The following CLPX variants were observed in gnomAD, a reference collection of about 807,000 sequenced individuals.
The protein encoded by CLPX is caseinolytic mitochondrial matrix peptidase chaperone subunit X.
CLPX carries 34 observed loss-of-function variants against 76.4 expected under a neutral mutation model. The observed-to-expected ratio is 0.45, with a 90% CI of 0.34 to 0.59. The LOEUF is 0.59. Among genes scored for constraint, CLPX ranks in the 20% least tolerant of loss-of-function variants. The pLI, the probability that CLPX is intolerant of heterozygous loss-of-function variation, is 0.01. For missense variants in CLPX, 613 were observed against 757.0 expected, an observed-to-expected ratio of 0.81 and a Z score of 2.23; for synonymous variants, 248 against 270.9, an observed-to-expected ratio of 0.92 and a Z score of 0.83.
At chr15:65,166,993 G>C (rs903558856) in intron 3 of CLPX, among the ~76,000 whole-genome samples, 4 of 152,140 alleles carry the variant, frequency 2.6e-5, no homozygotes, top group African/African-American at 9.7e-5. Context: ...ATTTCTATTA[G>C]GTCCTTTCAT....
In CLPX at chr15:65,153,672, T is replaced by A. The variant is rs558473857; in HGVS notation, c.1612-33A>T. The A allele has an allele frequency of 1.4e-5, 18 of 1,253,778 alleles. 1 individual carries two copies. In the South Asian group the frequency reaches 2.4e-4, roughly 17 times the overall value. The allele number at this position is 1,253,778 out of a possible 1,614,324, so 77.7% of individuals were successfully genotyped here. A position where few individuals can be genotyped will look rare whatever the true frequency, so the allele number is the denominator to read the frequency against. ...TACATTAAAAATAAATTATAACTTTTATTGTTAATTTGTACCACCAGAAAA... is the reference window on the plus strand; with the variant it reads ...TACATTAAAAATAAATTATAACTTTAATTGTTAATTTGTACCACCAGAAAA... On this transcript the variant is annotated intron_variant, in intron 11 of 13. Transcript: ENST00000300107.
At chr15:65,181,730 C>T (rs900452721) in intron 1 of CLPX, among the ~76,000 whole-genome samples, 1 of 149,650 alleles carries the variant, frequency 6.7e-6, no homozygotes, top group Admixed American at 6.8e-5. Flanking sequence ...GCCTGTGCAA[C>T]GGAGCGAGGC....
In CLPX at chr15:65,150,433, A is replaced by G. The variant is rs1237827882; in HGVS notation, c.*390T>C. 1 of 154,682 alleles carries G rather than the reference A, an allele frequency of 6.5e-6. No homozygotes were observed. The highest frequency in any genetic ancestry group is 2.4e-5 in the African/African-American group (1 of 41,560). The allele number at this position is 154,682 out of a possible 1,614,324, so 9.6% of individuals were successfully genotyped here. The stretch of plus-strand genomic sequence containing the variant: ...ACATGTGGGTAAAAAAGGTAACACT[A>G]AAGAATGGTATCTCAATATTCAATT... On this transcript the variant is annotated 3_prime_UTR_variant, in exon 14 of 14. Coordinates refer to ENST00000300107, the MANE Select transcript of CLPX (RefSeq NM_006660.5).
intron 1 of CLPX, among the ~76,000 whole-genome samples, chr15:65,184,706 A>T (rs2088231231): frequency 6.6e-6 from 1 of 152,240 alleles, no homozygotes; most frequent in Admixed American, 6.5e-5. Flanking sequence ...GAAGAGCCGC[A>T]GCCATGGCAG....
rs2087695868 is a variant in CLPX at position 65,149,678 on chromosome 15, G to A, written c.*1145C>T. The A allele has an allele frequency of 2.8e-6, 1 of 360,668 alleles. No individual in the cohort carries two copies. Among genetic ancestry groups the A allele is most frequent in the African/African-American group, 2.2e-5 (1 of 45,802 alleles). The allele number at this position is 360,668 out of a possible 1,614,324, so 22.3% of individuals were successfully genotyped here. On this transcript the variant is annotated 3_prime_UTR_variant, in exon 14 of 14. Coordinates refer to ENST00000300107, the MANE Select transcript of CLPX (RefSeq NM_006660.5). ...AGTTACAGACTAGCCTGGCCAACAG[G>A]GTGAAACCCTGTCTCTACTAAAAAT...
chr15:65,167,089 GGA>G (rs1331547775), intron 3 of CLPX, among the ~76,000 whole-genome samples: 2 of 151,290 alleles, frequency 1.3e-5, no homozygotes, highest in African/African-American at 2.4e-5. Flanking sequence ...TTTTTCTTTG[GGA>G]GACGGAGTCT....
chr15:65,158,042 A>AT (rs2087811506), intron 7 of CLPX, 132 bp from the exon 8 acceptor site: 165 of 716,436 alleles, frequency 2.3e-4, no homozygotes, highest in East Asian at 4.0e-4. Context: ...CTCTGCTATT[A>AT]TTTTTTTTAG....
At chr15:65,185,004 G>GC (rs2088236197) in intron 1 of CLPX, 71 bp downstream of exon 1, 27 of 1,376,552 alleles carry the variant, frequency 2.0e-5, no homozygotes, top group Non-Finnish European at 2.7e-5. Flanking sequence ...CCTCCCCGGG[G>GC]CCCCCAACCA....
chr15:65,174,558 G>C (rs543957821), intron 3 of CLPX, among the ~76,000 whole-genome samples: 13 of 151,856 alleles, frequency 8.6e-5, no homozygotes, highest in Non-Finnish European at 1.6e-4. Context: ...CCACCATGCC[G>C]GGCCACAACT....
intron 3 of CLPX, among the ~76,000 whole-genome samples, chr15:65,168,363 G>A (rs535093393): frequency 1.7e-3 from 173 of 100,202 alleles, no homozygotes; most frequent in Non-Finnish European, 2.2e-3. Flanking sequence ...CAGCCTGGGC[G>A]ACAAAGTGAG....
chr15:65,174,645 G>T (rs188900228), intron 3 of CLPX, among the ~76,000 whole-genome samples: 166 of 152,278 alleles, frequency 1.1e-3, no homozygotes, highest in African/African-American at 3.8e-3. Flanking sequence ...TTTTTAAAAG[G>T]AAAGGATTAG....
intron 11 of CLPX, among the ~76,000 whole-genome samples, 181 bp from the exon 12 acceptor site, chr15:65,153,820 G>A (rs1381629752): frequency 6.6e-6 from 1 of 152,164 alleles, no homozygotes; most frequent in Non-Finnish European, 1.5e-5. Context: ...TCTGAAGCTT[G>A]AAGATGTTTT....
intron 6 of CLPX, among the ~76,000 whole-genome samples, chr15:65,160,377 T>G (rs995905322): frequency 4.6e-5 from 7 of 152,172 alleles, no homozygotes; most frequent in African/African-American, 1.7e-4. Flanking sequence ...TTGTGCCTCA[T>G]TATAATCCAC....
rs138152101 is a variant in CLPX at position 65,158,698 on chromosome 15, T to A, written c.769A>T (p.Met257Leu). 1.9e-6 allele frequency: 3 copies of A among 1,614,014 alleles called. No individual in the cohort carries two copies. The highest frequency in any genetic ancestry group is 2.5e-6 in the Non-Finnish European group (3 of 1,179,944). The change falls in exon 7 of 14, where the codon ATG becomes TTG. Residue 257 changes from methionine to leucine, a missense_variant. Coordinates refer to ENST00000300107, the MANE Select transcript of CLPX (RefSeq NM_006660.5). ...SPHGNALGAS[M>L]QQQVNQQIPQ... is the part of the protein sequence containing the mutation. ...ATTTGTTGATTTACCTGTTGCTGCATTGATGCTCCTAAAGCATTACCATGT... is the reference window on the plus strand; with the variant it reads ...ATTTGTTGATTTACCTGTTGCTGCAATGATGCTCCTAAAGCATTACCATGT...
At chr15:65,173,794 A>G (rs2088047371) in intron 3 of CLPX, among the ~76,000 whole-genome samples, 1 of 152,224 alleles carries the variant, frequency 6.6e-6, no homozygotes, top group African/African-American at 2.4e-5. Context: ...ATATCGTATA[A>G]TTCCATTGTA....
intron 6 of CLPX, 86 bp downstream of exon 6, chr15:65,162,518 G>A: frequency 1.2e-6 from 1 of 839,716 alleles, no homozygotes; most frequent in East Asian, 2.5e-5. Context: ...ATACATACAT[G>A]TCTATCACTG....
chr15:65,162,424 T>C (rs937245876), intron 6 of CLPX, among the ~76,000 whole-genome samples, 180 bp downstream of exon 6: 5 of 152,204 alleles, frequency 3.3e-5, no homozygotes, highest in African/African-American at 1.2e-4. Context: ...AAATTAGCTA[T>C]GAAAAACTAT....
intron 1 of CLPX, among the ~76,000 whole-genome samples, chr15:65,184,083 T>C (rs1490446928): frequency 6.6e-6 from 1 of 152,210 alleles, no homozygotes; most frequent in African/African-American, 2.4e-5. Flanking sequence ...GGAAGATATA[T>C]TTAGTAAACA....
intron 3 of CLPX, among the ~76,000 whole-genome samples, chr15:65,173,049 G>A: frequency 6.6e-6 from 1 of 152,036 alleles, no homozygotes; most frequent in Non-Finnish European, 1.5e-5. Flanking sequence ...AGCCCATGAT[G>A]AGATACCACT....
Sources: gnomAD v4.1 joint callset for allele counts (sites outside exome capture counted in the v4.1 genomes callset) on GRCh38, gnomAD v4.1.1 for gene constraint, MANE v1.5 for transcripts, NCBI Gene and HGNC (gene_info 2026-07-23, HGNC 2026-07-21) for gene names.